IL1RAPL1: variants seen among roughly 807,000 people sequenced by gnomAD.
IL1RAPL1 encodes interleukin 1 receptor accessory protein like 1.
In IL1RAPL1, 3 loss-of-function variants were observed where a neutral mutation model predicts 48.4. The ratio of observed to expected loss-of-function variants is 0.06; its 90% CI spans 0.03 to 0.16. The LOEUF (loss-of-function observed/expected upper bound fraction) is 0.16, where lower values mean the gene tolerates loss of function less well. IL1RAPL1 is among the 10% of genes least tolerant of loss of function. The probability of loss-of-function intolerance (pLI) is 1.00; values close to 1 mark genes in which losing one functional copy is unlikely to be tolerated. For synonymous variants in IL1RAPL1, 185 were observed against 187.7 expected (o/e 0.99, Z 0.12); for missense variants, 349 against 530.6 (o/e 0.66, Z 3.36).
chrX:29,301,129 C>G (rs1304113872), intron 3 of IL1RAPL1, among the ~76,000 whole-genome samples: 1 of 111,797 alleles, frequency 8.9e-6, no homozygotes, highest in Non-Finnish European at 1.9e-5. Context: ...ATTTCCTCAT[C>G]AGCAAGAGTT....
At chrX:29,785,836 C>T (rs770385601) in intron 6 of IL1RAPL1, among the ~76,000 whole-genome samples, 1 of 111,327 alleles carries the variant, frequency 9.0e-6, no homozygotes, top group Non-Finnish European at 1.9e-5. Context: ...AGACCAAGCT[C>T]TGGTGACAGA....
At chrX:29,353,040 C>T (rs997802030) in intron 3 of IL1RAPL1, among the ~76,000 whole-genome samples, 7 of 111,931 alleles carry the variant, frequency 6.3e-5, no homozygotes, top group Non-Finnish European at 9.4e-5. Context: ...CTTTGTATAA[C>T]TTATCCTTCA....
intron 2 of IL1RAPL1, among the ~76,000 whole-genome samples, chrX:29,211,679 A>C (rs980086395): frequency 8.9e-6 from 1 of 111,836 alleles, no homozygotes; most frequent in Non-Finnish European, 1.9e-5. Context: ...TACTGAACCA[A>C]GGAGCAAAAT....
intron 2 of IL1RAPL1, among the ~76,000 whole-genome samples, chrX:29,206,843 G>A (rs765502090): frequency 6.8e-4 from 76 of 112,035 alleles, no homozygotes; most frequent in Non-Finnish European, 1.1e-3. Flanking sequence ...GGTGAAGATA[G>A]TGGTAAGTTA....
At chrX:28,591,127 G>A (rs182141411) in intron 1 of IL1RAPL1, among the ~76,000 whole-genome samples, 1 of 111,545 alleles carries the variant, frequency 9.0e-6, no homozygotes, top group East Asian at 2.8e-4. Context: ...CATTTTGTCA[G>A]CCGCAGTCAT....
chrX:29,627,843 C>T (rs772778830), intron 5 of IL1RAPL1, among the ~76,000 whole-genome samples: 1 of 112,215 alleles, frequency 8.9e-6, no homozygotes, highest in East Asian at 2.8e-4. Flanking sequence ...GGACTAGCAT[C>T]CCTCTGTTCT....
intron 1 of IL1RAPL1, among the ~76,000 whole-genome samples, chrX:28,716,014 A>C (rs1407676440): frequency 8.9e-6 from 1 of 112,308 alleles, no homozygotes; most frequent in East Asian, 2.8e-4. Context: ...CTGGGATGCA[A>C]GCAAGCTTGG....
chrX:28,863,205 T>C (rs372369488), intron 2 of IL1RAPL1, among the ~76,000 whole-genome samples: 9 of 111,588 alleles, frequency 8.1e-5, no homozygotes, highest in South Asian at 7.5e-4. Flanking sequence ...TTAGATTAAA[T>C]TGGGGACCTG....
intron 5 of IL1RAPL1, among the ~76,000 whole-genome samples, chrX:29,478,854 C>G (rs1935005941): frequency 9.0e-6 from 1 of 110,592 alleles, no homozygotes; most frequent in Non-Finnish European, 1.9e-5. Flanking sequence ...GAGTAGAGCT[C>G]CCCCTACTGA....
At chrX:29,269,193 A>T (rs772526158) in intron 2 of IL1RAPL1, among the ~76,000 whole-genome samples, 3 of 112,343 alleles carry the variant, frequency 2.7e-5, no homozygotes, top group African/African-American at 9.7e-5. Context: ...AGCATCTGCT[A>T]GGCCAGAAAA....
At chrX:28,967,588 G>A (rs763184051) in intron 2 of IL1RAPL1, among the ~76,000 whole-genome samples, 2 of 110,996 alleles carry the variant, frequency 1.8e-5, no homozygotes, top group South Asian at 7.6e-4. Context: ...TCACTACTTT[G>A]GTGATTTACC....
chrX:29,300,044 A>G (rs1421084277), intron 3 of IL1RAPL1, among the ~76,000 whole-genome samples: 5 of 111,508 alleles, frequency 4.5e-5, no homozygotes, highest in Non-Finnish European at 9.4e-5. Flanking sequence ...GCCTTCCACT[A>G]TAAGTGGAAG....
intron 2 of IL1RAPL1, among the ~76,000 whole-genome samples, chrX:29,161,477 T>C (rs186224880): frequency 2.1e-3 from 235 of 112,282 alleles, no homozygotes; most frequent in African/African-American, 7.0e-3. Context: ...ACTGCTGAGT[T>C]GAAATAACGA....
chrX:29,023,572 G>T (rs1200386922), intron 2 of IL1RAPL1, among the ~76,000 whole-genome samples: 1 of 112,480 alleles, frequency 8.9e-6, no homozygotes. Context: ...CTTAGATCTT[G>T]AAAAGCTTTC....
intron 5 of IL1RAPL1, among the ~76,000 whole-genome samples, chrX:29,594,957 C>G (rs1449679820): frequency 4.5e-5 from 5 of 111,587 alleles, no homozygotes; most frequent in South Asian, 7.5e-4. Flanking sequence ...TAGCTTAGCT[C>G]CAACTTATGA....
chrX:29,588,888 C>A (rs1318534428), intron 5 of IL1RAPL1, among the ~76,000 whole-genome samples: 1 of 111,912 alleles, frequency 8.9e-6, no homozygotes, highest in Non-Finnish European at 1.9e-5. Flanking sequence ...CAGGTCTGAT[C>A]ATTTAGGCTA....
chrX:29,923,109 G>GAAAC (rs1434512057), intron 8 of IL1RAPL1, among the ~76,000 whole-genome samples: 7 of 111,897 alleles, frequency 6.3e-5, no homozygotes, highest in African/African-American at 1.9e-4. Flanking sequence ...TGGATTCTTT[G>GAAAC]AAACATTGCT....
At chrX:29,465,153 C>T (rs1325509233) in intron 5 of IL1RAPL1, among the ~76,000 whole-genome samples, 2 of 111,250 alleles carry the variant, frequency 1.8e-5, no homozygotes, top group Non-Finnish European at 3.8e-5. Flanking sequence ...ACCTGTAATC[C>T]CAGCACTTTG....
intron 6 of IL1RAPL1, among the ~76,000 whole-genome samples, chrX:29,773,313 A>G (rs1455564935): frequency 2.7e-5 from 3 of 111,051 alleles, no homozygotes; most frequent in African/African-American, 9.9e-5. Flanking sequence ...GGCTTTCATT[A>G]CTTATTCAAG....
Sources: allele counts gnomAD v4.1 joint callset (sites outside exome capture counted in the v4.1 genomes callset), GRCh38; gene constraint gnomAD v4.1.1; transcripts MANE v1.5; gene names NCBI Gene and HGNC (gene_info 2026-07-23, HGNC 2026-07-21).